CUEDC1: variants seen among roughly 807,000 people sequenced by gnomAD.
CUEDC1 encodes the protein CUE domain-containing protein 1.
Under a neutral mutation model 43.7 loss-of-function variants are expected in CUEDC1, and 30 were observed. The ratio of observed to expected loss-of-function variants is 0.69; its 90% CI spans 0.51 to 0.93. The LOEUF (loss-of-function observed/expected upper bound fraction) is 0.93, where lower values mean the gene tolerates loss of function less well. CUEDC1 is among the 40% of genes least tolerant of loss of function. The probability of loss-of-function intolerance (pLI) is 0.00; values close to 1 mark genes in which losing one functional copy is unlikely to be tolerated. For missense variants in CUEDC1, 486 were observed against 549.0 expected, an observed-to-expected ratio of 0.89 and a Z score of 1.15; for synonymous variants, 223 against 223.6, an observed-to-expected ratio of 1.00 and a Z score of 0.02.
At chr17:57,934,120 G>A (rs1371383424) in intron 1 of CUEDC1, among the ~76,000 whole-genome samples, 2 of 152,164 alleles carry the variant, frequency 1.3e-5, no homozygotes, top group East Asian at 3.9e-4. Context: ...AAGGCCAGGT[G>A]CGGTGGCTCA....
intron 1 of CUEDC1, among the ~76,000 whole-genome samples, chr17:57,936,729 G>A (rs188242168): frequency 8.6e-4 from 131 of 152,034 alleles, no homozygotes; most frequent in Non-Finnish European, 1.5e-4. Context: ...ACTCTCCTGC[G>A]CACTGCTCCT....
chr17:57,938,894 T>G (rs2074887643), intron 1 of CUEDC1, among the ~76,000 whole-genome samples: 2 of 150,950 alleles, frequency 1.3e-5, no homozygotes, highest in South Asian at 2.1e-4. Flanking sequence ...ACTTCTGACC[T>G]CAGGTGATCT....
Position 57,866,719 on chromosome 17 carries a change from T to C in CUEDC1, c.1094-175A>G, listed in dbSNP as rs2073964818. ...TCCAGGGAGAGAGGCAGCAGGACACTCAGGTGCTGGCCAGGGTCCACCACT... is the reference window on the plus strand; with the variant it reads ...TCCAGGGAGAGAGGCAGCAGGACACCCAGGTGCTGGCCAGGGTCCACCACT... On this transcript the variant is annotated intron_variant, in intron 9 of 10. Transcript: ENST00000577830. 8 of 607,914 alleles carry C rather than the reference T, an allele frequency of 1.3e-5. No individual in the cohort carries two copies. The South Asian group carries it at 1.6e-4, about 12-fold the overall frequency. The allele number at this position is 607,914 out of a possible 1,614,324, so 37.7% of individuals were successfully genotyped here.
chr17:57,884,175 C>A (rs1382086558), intron 2 of CUEDC1, among the ~76,000 whole-genome samples: 1 of 150,392 alleles, frequency 6.6e-6, no homozygotes, highest in African/African-American at 2.4e-5. Flanking sequence ...AGGATACAGC[C>A]GCACTCTTTT....
At chr17:57,891,552 G>C (rs1385483130) in intron 1 of CUEDC1, among the ~76,000 whole-genome samples, 1 of 152,120 alleles carries the variant, frequency 6.6e-6, no homozygotes, top group Non-Finnish European at 1.5e-5. Context: ...CATGTCCCCA[G>C]AATACCCAGA....
chr17:57,885,769 A>G lies in CUEDC1; in HGVS notation c.-205T>C, dbSNP rs1235687257. On this transcript the variant is annotated 5_prime_UTR_variant, in exon 2 of 11. Transcript: ENST00000577830. ...GCGCGGGGCCCCAGGCAGCCCTTGG[A>G]GAGCGGTCCTCGCGGGGCGGTGGCA... 6 of 729,644 alleles carry G rather than the reference A, an allele frequency of 8.2e-6. No individual in the cohort carries two copies. The highest frequency in any genetic ancestry group is 1.1e-5 in the Non-Finnish European group (6 of 526,756). The allele number at this position is 729,644 out of a possible 1,614,324, so 45.2% of individuals were successfully genotyped here.
intron 1 of CUEDC1, among the ~76,000 whole-genome samples, chr17:57,887,805 A>G (rs1360127728): frequency 6.7e-6 from 1 of 148,590 alleles, no homozygotes; most frequent in East Asian, 2.0e-4. Flanking sequence ...ATGCTTGGCC[A>G]AGATGTTTTT....
intron 1 of CUEDC1, among the ~76,000 whole-genome samples, chr17:57,914,561 G>A (rs577461204): frequency 6.6e-6 from 1 of 152,288 alleles, no homozygotes; most frequent in East Asian, 1.9e-4. Context: ...GGAGGGTCTG[G>A]GAGTCAGCAG....
intron 10 of CUEDC1, among the ~76,000 whole-genome samples, chr17:57,864,026 AG>A (rs1483787213): frequency 2.0e-5 from 3 of 151,480 alleles, no homozygotes; most frequent in Non-Finnish European, 4.4e-5. Flanking sequence ...AAGAAAGAAA[AG>A]AAAAAGAAAA....
At chr17:57,932,281 C>CAAAAAAAAAAAAAAAAAAAAA (rs56137797) in intron 1 of CUEDC1, among the ~76,000 whole-genome samples, 22 of 121,952 alleles carry the variant, frequency 1.8e-4, no homozygotes, top group African/African-American at 4.4e-4. Flanking sequence ...CACTGTGTCT[C>CAAAAAAAAAAAAAAAAAAAAA]AAAAAAAAAA....
Position 57,930,136 on chromosome 17 carries a change from G to C in CUEDC1, c.-316+25089C>G, listed in dbSNP as rs748377033. Reference sequence around the variant, plus strand: ...GACTTTAATGTGCACACGAACCACTGGGGACCTTGTTAAAATGTAGATAGA... The same window carrying C: ...GACTTTAATGTGCACACGAACCACTCGGGACCTTGTTAAAATGTAGATAGA... On this transcript the variant is annotated intron_variant, in intron 1 of 10. Transcript: ENST00000577830. The surrounding 1 kb of genome is among the most constrained non-coding windows in gnomAD (Gnocchi z 4.2). Among the ~76,000 whole-genome samples the C allele has an allele frequency of 9.9e-5, 15 of 152,136 alleles. No homozygotes were observed. The highest frequency in any genetic ancestry group is 1.9e-4 in the Non-Finnish European group (13 of 68,024).
intron 1 of CUEDC1, among the ~76,000 whole-genome samples, chr17:57,932,281 C>CAAATAAAAAAAAAAAAAAA (rs2074812582): frequency 8.2e-6 from 1 of 121,946 alleles, no homozygotes; most frequent in Admixed American, 7.7e-5. Context: ...CACTGTGTCT[C>CAAATAAAAAAAAAAAAAAA]AAAAAAAAAA....
intron 1 of CUEDC1, among the ~76,000 whole-genome samples, chr17:57,935,378 G>GACAC (rs146002407): frequency 0.076 from 10,863 of 142,044 alleles, 577 homozygotes; most frequent in Admixed American, 0.18. Context: ...CCTTCCATTA[G>GACAC]ACACACACAC....
At chr17:57,928,751 G>C (rs924733287) in intron 1 of CUEDC1, among the ~76,000 whole-genome samples, 3 of 142,752 alleles carry the variant, frequency 2.1e-5, no homozygotes, top group Non-Finnish European at 3.0e-5. Context: ...AGAGGTACCT[G>C]GCACTGAAAG....
In CUEDC1 at chr17:57,862,605, T is replaced by G. The variant is rs928170983; in HGVS notation, c.*684A>C. 2 of 152,336 alleles carry G rather than the reference T, an allele frequency of 1.3e-5. No homozygotes were observed. The highest frequency in any genetic ancestry group is 6.5e-5 in the Admixed American group (1 of 15,280). The allele number at this position is 152,336 out of a possible 1,614,324, so 9.4% of individuals were successfully genotyped here. On this transcript the variant is annotated 3_prime_UTR_variant, in exon 11 of 11. Transcript: ENST00000577830. The stretch of plus-strand genomic sequence containing the variant: ...CCCATCCCTAACAGCAGCAGCCTGA[T>G]GAGGCCAGACGGGGCAGGGCAGTCG...
chr17:57,871,433 G>A, intron 5 of CUEDC1, 64 bp from the exon 6 acceptor site: 1 of 1,384,548 alleles, frequency 7.2e-7, no homozygotes, highest in South Asian at 1.2e-5. Flanking sequence ...GGCAGGCTGG[G>A]CTGGGACACG....
At chr17:57,923,862 G>A (rs375194172) in intron 1 of CUEDC1, among the ~76,000 whole-genome samples, 9 of 152,154 alleles carry the variant, frequency 5.9e-5, no homozygotes, top group East Asian at 3.9e-4. Flanking sequence ...TTTGCAAGGC[G>A]GGCATCATCA....
chr17:57,885,672 T>C lies in CUEDC1; in HGVS notation c.-108A>G, dbSNP rs1355429372. The C allele has an allele frequency of 7.7e-7, 1 of 1,305,558 alleles. No homozygotes were observed. Among genetic ancestry groups the C allele is most frequent in the Non-Finnish European group, 9.7e-7 (1 of 1,030,938 alleles). The allele number at this position is 1,305,558 out of a possible 1,614,324, so 80.9% of individuals were successfully genotyped here. ...TGCCCTGCGGTCTCGGGCAGCTCAC[T>C]CCTGCGCCTCCTCCTCCCCGGGTAG... On this transcript the variant is annotated 5_prime_UTR_variant, in exon 2 of 11. Coordinates refer to ENST00000577830, the MANE Select transcript of CUEDC1 (RefSeq NM_001271875.2).
At chr17:57,894,939 T>G (rs2074393424) in intron 1 of CUEDC1, among the ~76,000 whole-genome samples, 1 of 152,212 alleles carries the variant, frequency 6.6e-6, no homozygotes. Flanking sequence ...AGAAGCCAAT[T>G]CTGCCTTCTA....
Sources: allele counts gnomAD v4.1 joint callset (sites outside exome capture counted in the v4.1 genomes callset), GRCh38; gene constraint gnomAD v4.1.1; non-coding constraint Gnocchi (gnomAD v3.1); transcripts MANE v1.5; gene names NCBI Gene and HGNC (gene_info 2026-07-23, HGNC 2026-07-21).